Variants in IGSF22 observed in about 807,000 individuals in gnomAD.
IGSF22 encodes the protein immunoglobulin superfamily, member 22.
In IGSF22, 119 loss-of-function variants were observed where a neutral mutation model predicts 127.0. The ratio of observed to expected loss-of-function variants is 0.94; its 90% CI spans 0.81 to 1.09. The LOEUF (loss-of-function observed/expected upper bound fraction) is 1.09. Ranked by LOEUF, IGSF22 falls within the 50% of genes least tolerant of loss-of-function variation. IGSF22 has a pLI of 0.00. For synonymous variants in IGSF22, 568 were observed against 664.7 expected (o/e 0.85, Z 2.24); for missense variants, 1,518 against 1,716.6 (o/e 0.88, Z 2.04).
intron 1 of IGSF22, among the ~76,000 whole-genome samples, chr11:18,725,363 A>G (rs1046113382): frequency 2.0e-5 from 3 of 152,042 alleles, no homozygotes; most frequent in Non-Finnish European, 4.4e-5. Flanking sequence ...CCTAGCCTCG[A>G]TTGATCCGCC....
chr11:18,707,264 T>C (rs1424848768), intron 20 of IGSF22, 51 bp from the exon 21 acceptor site: 7 of 1,442,646 alleles, frequency 4.9e-6, no homozygotes, highest in Admixed American at 2.5e-5. Flanking sequence ...TGAAGTATTA[T>C]GTCCCCACCC....
At position 18,724,013 on chromosome 11, in the gene IGSF22, G is replaced by T. The variant is rs767171205; in HGVS notation, c.109+115C>A. On this transcript the variant is annotated intron_variant, in intron 2 of 22. Transcript: ENST00000513874. ...ACACGTTGGGTGGGGGTTGCTGTTG[G>T]TATTGTGGGCTCCAGAGGGGCCCAT... The T allele has an allele frequency of 5.6e-6, 4 of 711,550 alleles. No individual in the cohort carries two copies. In the Admixed American group the frequency reaches 7.1e-5, roughly 13 times the overall value. 44.1% of individuals were successfully genotyped at this position (711,550 alleles called of 1,614,324 possible). A position where few individuals can be genotyped will look rare whatever the true frequency, so the allele number is the denominator to read the frequency against.
intron 14 of IGSF22, 133 bp downstream of exon 14, chr11:18,713,719 G>A: frequency 1.4e-6 from 1 of 738,662 alleles, no homozygotes; most frequent in Non-Finnish European, 2.1e-6. Context: ...TGGCTGCAAA[G>A]CCAGCCTTCT....
Position 18,715,454 on chromosome 11 carries a change from A to G in IGSF22, c.1509T>C (p.Ser503=). 6.2e-7 allele frequency: 1 copy of G among 1,612,912 alleles called. No homozygotes were observed. Among genetic ancestry groups the G allele is most frequent in the Non-Finnish European group, 8.5e-7 (1 of 1,179,862 alleles). Reference sequence around the variant, plus strand: ...TACCCTCCACAGTGACGATGGCAGTACTGTAGTATTCAGTAGGGTCTCCAT... The same window carrying G: ...TACCCTCCACAGTGACGATGGCAGTGCTGTAGTATTCAGTAGGGTCTCCAT... ...MQDGDPTEYY[S]TAIVTVEERL... Residue 503 remains serine (S), a synonymous_variant, in exon 11 of 23, where the codon AGT becomes AGC. Transcript: ENST00000513874.
rs1375504983 is a variant in IGSF22, at chr11:18,709,813, C to T, written c.2702-130G>A. On this transcript the variant is annotated intron_variant, in intron 17 of 22. Coordinates refer to ENST00000513874, the MANE Select transcript of IGSF22 (RefSeq NM_173588.4). This position sits in a 1 kb window ranked among gnomAD's most constrained non-coding sequence, Gnocchi z 4.8. ...TAGCTCCAGATCCCTCAGTTAACAC[C>T]CTTAGTACCTAGCCTTATACACTCA... is the stretch of plus-strand genomic sequence containing the variant. 5.8e-6 allele frequency: 5 copies of T among 858,890 alleles called. No individual in the cohort carries two copies. The highest frequency in any genetic ancestry group is 8.9e-6 in the Non-Finnish European group (5 of 563,868). The allele number at this position is 858,890 out of a possible 1,614,324, so 53.2% of individuals were successfully genotyped here.
chr11:18,718,502 A>G (rs1848503496), intron 8 of IGSF22, 113 bp downstream of exon 8: 1 of 771,618 alleles, frequency 1.3e-6, no homozygotes, highest in South Asian at 1.4e-5. Flanking sequence ...CAACCATACC[A>G]GGAGGCATCC....
chr11:18,714,941 G>A lies in IGSF22; in HGVS notation c.1532-317C>T, dbSNP rs139395724. 9.2e-5 allele frequency among the ~76,000 whole-genome samples: 14 copies of A among 152,190 alleles called. No individual in the cohort carries two copies. The East Asian group carries it at 2.3e-3, about 25-fold the overall frequency. ...CAGCAGGGACTTAGGATGCTGGGTT[G>A]GAGAGGGAAATAGATGGTGAAGATG... On this transcript the variant is annotated intron_variant, in intron 11 of 22. Transcript: ENST00000513874.
chr11:18,720,339 T>TCCCTGTGG, intron 4 of IGSF22, 54 bp from the exon 5 acceptor site: 1 of 1,454,642 alleles, frequency 6.9e-7, no homozygotes, highest in Non-Finnish European at 9.6e-7. Flanking sequence ...ACAGGGAGAC[T>TCCCTGTGG]TTCTGTCAGA....
Position 18,712,084 on chromosome 11 carries a change from A to G in IGSF22, c.2396T>C (p.Ile799Thr). 3.2e-6 allele frequency: 5 copies of G among 1,549,500 alleles called. No homozygotes were observed. Among genetic ancestry groups the G allele is most frequent in the Non-Finnish European group, 4.4e-6 (5 of 1,145,376 alleles). ...GAGCACCAGGCTATCTCACTGACCT[A>G]TGGGATTTCCTGCAAACACTTCTTC... ...ETEEVFAGNP[I>T]EPPGFASQPQ... Residue 799 changes from isoleucine (I) to threonine (T), a missense_variant and splice_region_variant, in exon 15 of 23, where the codon ATA becomes ACA. Around this residue, in one of 3 missense-constraint regions of IGSF22, gnomAD observed 1,456 missense variants for 1,644.9 expected, o/e 0.89. Transcript: ENST00000513874.
chr11:18,724,301 G>T, intron 1 of IGSF22, 32 bp from the exon 2 acceptor site: 1 of 1,137,922 alleles, frequency 8.8e-7, no homozygotes, highest in Non-Finnish European at 1.3e-6. Flanking sequence ...TGAAGGACAA[G>T]ACAGGGAGTA....
rs1196965478 is a variant in IGSF22, at chr11:18,719,995, G to A, written c.518+69C>T. On this transcript the variant is annotated intron_variant, in intron 6 of 22. Transcript: ENST00000513874. ...TTCTTGGAACTCAGGGCCTTGTTGAGAGGCCTTTGAGAGGCTTTGGCCTGG... is the reference window on the plus strand; with the variant it reads ...TTCTTGGAACTCAGGGCCTTGTTGAAAGGCCTTTGAGAGGCTTTGGCCTGG... 6.2e-6 allele frequency: 10 copies of A among 1,609,256 alleles called. No individual in the cohort carries two copies. The Admixed American group carries it at 1.7e-4, about 27-fold the overall frequency.
chr11:18,707,315 G>T, intron 20 of IGSF22, 102 bp from the exon 21 acceptor site: 1 of 1,069,374 alleles, frequency 9.4e-7, no homozygotes, highest in Non-Finnish European at 1.3e-6. Context: ...GATGGGGCAA[G>T]TCTCAGGCAG....
In IGSF22 at chr11:18,707,064, T is replaced by A; in HGVS notation, c.3430A>T (p.Thr1144Ser). The A allele has an allele frequency of 6.4e-7, 1 of 1,551,710 alleles. No homozygotes were observed. The highest frequency in any genetic ancestry group is 8.7e-7 in the Non-Finnish European group (1 of 1,146,988). ...TTGCTGAAGACACGCTCGGCTGCCG[T>A]GTACCAGGTGGCTGTGCTTGCATCC... ...KRDASTATWY[T>S]AAERVFSNKY... Residue 1144 changes from threonine to serine, a missense_variant, in exon 21 of 23, where the codon ACG (threonine) becomes TCG (serine). By Grantham distance (58) the Thr-to-Ser change is moderately conservative. Coordinates refer to ENST00000513874, the MANE Select transcript of IGSF22 (RefSeq NM_173588.4).
At chr11:18,721,483 G>A (rs1449517490) in intron 4 of IGSF22, 52 bp downstream of exon 4, 1 of 1,612,434 alleles carries the variant, frequency 6.2e-7, no homozygotes, top group Non-Finnish European at 8.5e-7. Flanking sequence ...CCGCCCTGGG[G>A]GTCCCTGCCT....
intron 2 of IGSF22, among the ~76,000 whole-genome samples, chr11:18,723,738 A>C (rs1260609060): frequency 2.6e-5 from 4 of 152,192 alleles, no homozygotes; most frequent in African/African-American, 4.8e-5. Context: ...CTATTTCTTA[A>C]GTGGAGCAGG....
intron 9 of IGSF22, among the ~76,000 whole-genome samples, chr11:18,717,515 C>G (rs915171391): frequency 6.6e-6 from 1 of 152,096 alleles, no homozygotes; most frequent in Non-Finnish European, 1.5e-5. Context: ...GCAGCCTCAG[C>G]GTGCTGGGTA....
chr11:18,723,187 C>T (rs2134170298), intron 2 of IGSF22, among the ~76,000 whole-genome samples: 1 of 152,336 alleles, frequency 6.6e-6, no homozygotes, highest in East Asian at 1.9e-4. Context: ...ATATATAATC[C>T]ATGGAGAACT....
rs1848307423 is a variant in IGSF22, at chr11:18,709,365, C to T, written c.2998+22G>A. 1 of 1,608,906 alleles carries T rather than the reference C, an allele frequency of 6.2e-7. No homozygotes were observed. Among genetic ancestry groups the T allele is most frequent in the African/African-American group, 1.3e-5 (1 of 74,844 alleles). ...GAGGTACAATGTTGGGCATGAATCC[C>T]CAGCCCTCTCTGTGTCCTCACCTGG... On this transcript the variant is annotated intron_variant, in intron 18 of 22. Transcript: ENST00000513874. This position sits in a 1 kb window ranked among gnomAD's most constrained non-coding sequence, Gnocchi z 4.8.
intron 22 of IGSF22, among the ~76,000 whole-genome samples, chr11:18,705,249 A>G (rs148790303): frequency 6.6e-6 from 1 of 152,314 alleles, no homozygotes; most frequent in East Asian, 1.9e-4. Context: ...CTTTGCATTT[A>G]GAGTTCATGC....
Sources: allele counts gnomAD v4.1 joint callset (sites outside exome capture counted in the v4.1 genomes callset), GRCh38; gene constraint gnomAD v4.1.1; regional missense constraint gnomAD v4.1.1; non-coding constraint Gnocchi (gnomAD v3.1); transcripts MANE v1.5; gene names NCBI Gene and HGNC (gene_info 2026-07-23, HGNC 2026-07-21).